Variants in TDRD5 observed in about 807,000 individuals in gnomAD.
TDRD5 encodes the protein tudor domain containing 5.
A neutral mutation model predicts 120.6 loss-of-function variants in TDRD5; 41 were observed. The observed-to-expected ratio is 0.34, with a 90% CI of 0.26 to 0.44. The LOEUF (loss-of-function observed/expected upper bound fraction) is 0.44, where lower values mean the gene tolerates loss of function less well. Among genes scored for constraint, TDRD5 ranks in the 20% least tolerant of loss-of-function variants. TDRD5 has a pLI of 1.00. For synonymous variants in TDRD5, 430 were observed against 433.7 expected (o/e 0.99, Z 0.11); for missense variants, 1,006 against 1,221.2 (o/e 0.82, Z 2.63).
chr1:179,617,715 G>C (rs1676634177), intron 4 of TDRD5, among the ~76,000 whole-genome samples: 1 of 151,930 alleles, frequency 6.6e-6, no homozygotes, highest in South Asian at 2.1e-4. Context: ...TGCTGTGGCT[G>C]TTCACTGGAC....
intron 17 of TDRD5, among the ~76,000 whole-genome samples, chr1:179,690,201 G>A (rs1029255361): frequency 6.6e-6 from 1 of 152,050 alleles, no homozygotes; most frequent in African/African-American, 2.4e-5. Flanking sequence ...AGAACCTCTC[G>A]GCATTTATTT....
In TDRD5 at chr1:179,663,331, C is replaced by T. The variant is rs753846302; in HGVS notation, c.2506-17C>T. 2 of 1,594,328 alleles carry T rather than the reference C, an allele frequency of 1.3e-6. No homozygotes were observed. Among genetic ancestry groups the T allele is most frequent in the Non-Finnish European group, 1.7e-6 (2 of 1,173,066 alleles). On this transcript the variant is annotated splice_polypyrimidine_tract_variant and intron_variant, in intron 15 of 17. Transcript: ENST00000444136. ...TGCACTTTATCTCAGTCTGTTGTTG[C>T]CATTTTTTCATTATAGGACTGGTGT... is the stretch of plus-strand genomic sequence containing the variant.
At chr1:179,635,537 A>G (rs999314798) in intron 8 of TDRD5, 130 bp from the exon 9 acceptor site, 3 of 904,790 alleles carry the variant, frequency 3.3e-6, no homozygotes, top group Non-Finnish European at 4.9e-6. Context: ...GCTAGAGTTC[A>G]AGAATCTGTA....
At position 179,651,003 on chromosome 1, in the gene TDRD5, A is replaced by G. The variant is rs1463697851; in HGVS notation, c.1937A>G (p.Tyr646Cys). The change falls in exon 12 of 18, where the codon TAT becomes TGT. Residue 646 changes from tyrosine to cysteine, a missense_variant. Physicochemically the swap from Tyr to Cys is radical, Grantham distance 194 (BLOSUM62 -2). This residue lies in a region of TDRD5 where 158 missense variants were observed against 257.5 expected (regional missense o/e 0.61). Transcript: ENST00000444136. Reference protein sequence around the residue: ...LCDTSSNEDVYFHHVLRTEGH... With the variant: ...LCDTSSNEDVCFHHVLRTEGH... Reference sequence around the variant, plus strand: ...GACACATCCTCAAACGAAGATGTCTATTTCCATCATGTCTTGAGAACAGAG... The same window carrying G: ...GACACATCCTCAAACGAAGATGTCTGTTTCCATCATGTCTTGAGAACAGAG... 4.3e-6 allele frequency: 7 copies of G among 1,614,132 alleles called. No homozygotes were observed. Among genetic ancestry groups the G allele is most frequent in the Non-Finnish European group, 5.9e-6 (7 of 1,180,004 alleles).
intron 6 of TDRD5, among the ~76,000 whole-genome samples, chr1:179,622,984 C>T (rs11576782): frequency 6.6e-6 from 1 of 152,070 alleles, no homozygotes; most frequent in Non-Finnish European, 1.5e-5. Flanking sequence ...GTAGAAAATT[C>T]TGAAAGCAGC....
intron 16 of TDRD5, 123 bp downstream of exon 16, chr1:179,663,614 C>T: frequency 7.7e-7 from 1 of 1,303,024 alleles, no homozygotes. Context: ...CTTGCTGTAG[C>T]TGTTACTGTT....
chr1:179,630,958 A>G (rs906624404), intron 7 of TDRD5, 38 bp downstream of exon 7: 2 of 1,578,070 alleles, frequency 1.3e-6, no homozygotes, highest in South Asian at 1.2e-5. Flanking sequence ...CCTCATTTTT[A>G]TTGTCCTTAT....
At chr1:179,602,726 A>T (rs896870589) in intron 4 of TDRD5, among the ~76,000 whole-genome samples, 1 of 152,096 alleles carries the variant, frequency 6.6e-6, no homozygotes, top group African/African-American at 2.4e-5. Flanking sequence ...ATTCTGTTCC[A>T]TTGGTCTATG....
rs747427402 is a variant in TDRD5, at chr1:179,634,437, A to C, written c.1127-20A>C. On this transcript the variant is annotated intron_variant, in intron 7 of 17. Transcript: ENST00000444136. ...CCATTTGAGATGGAGTTGTTTCATCAGTCGGAAATTTGTGTTTAGTTCAGT... is the reference window on the plus strand; with the variant it reads ...CCATTTGAGATGGAGTTGTTTCATCCGTCGGAAATTTGTGTTTAGTTCAGT... The C allele has an allele frequency of 1.9e-6, 3 of 1,580,906 alleles. No individual in the cohort carries two copies. Among genetic ancestry groups the C allele is most frequent in the Non-Finnish European group, 1.7e-6 (2 of 1,170,252 alleles).
chr1:179,684,744 C>T (rs1680608954), intron 17 of TDRD5, among the ~76,000 whole-genome samples: 1 of 152,206 alleles, frequency 6.6e-6, no homozygotes, highest in African/African-American at 2.4e-5. Context: ...GCCATTCTAA[C>T]TGGTATGAGA....
chr1:179,662,017 T>C (rs1415280697), intron 14 of TDRD5, 87 bp from the exon 15 acceptor site: 2 of 1,262,620 alleles, frequency 1.6e-6, no homozygotes, highest in African/African-American at 3.1e-5. Flanking sequence ...TTACCTGGAG[T>C]CAGGAAAAAA....
At chr1:179,658,337 A>G (rs1417615639) in intron 14 of TDRD5, among the ~76,000 whole-genome samples, 1 of 152,182 alleles carries the variant, frequency 6.6e-6, no homozygotes. Flanking sequence ...TTTTTCAGGG[A>G]GAGAAGTTAA....
intron 4 of TDRD5, among the ~76,000 whole-genome samples, chr1:179,599,212 T>A (rs569752250): frequency 6.6e-6 from 1 of 152,276 alleles, no homozygotes; most frequent in South Asian, 2.1e-4. Flanking sequence ...TCATATAGTA[T>A]CCTTTTTATA....
At chr1:179,675,741 T>C (rs1680113193) in intron 17 of TDRD5, among the ~76,000 whole-genome samples, 1 of 152,206 alleles carries the variant, frequency 6.6e-6, no homozygotes, top group Admixed American at 6.5e-5. Context: ...TTGATATAAC[T>C]TCAATTTCCT....
chr1:179,674,719 C>T (rs533789062), intron 17 of TDRD5, among the ~76,000 whole-genome samples: 1 of 152,194 alleles, frequency 6.6e-6, no homozygotes, highest in South Asian at 2.1e-4. Flanking sequence ...AATCTCACTG[C>T]TTGTTATTGG....
At chr1:179,632,988 A>C (rs1677545821) in intron 7 of TDRD5, among the ~76,000 whole-genome samples, 1 of 152,214 alleles carries the variant, frequency 6.6e-6, no homozygotes, top group Admixed American at 6.5e-5. Flanking sequence ...AATTTATTGA[A>C]TACTATACTG....
intron 4 of TDRD5, among the ~76,000 whole-genome samples, chr1:179,600,616 T>C (rs552031986): frequency 6.6e-6 from 1 of 152,358 alleles, no homozygotes; most frequent in Admixed American, 6.5e-5. Flanking sequence ...ATTTTTTTTA[T>C]TTTTCCACTT....
chr1:179,686,325 G>T (rs1473437841), intron 17 of TDRD5, among the ~76,000 whole-genome samples: 1 of 152,200 alleles, frequency 6.6e-6, no homozygotes, highest in African/African-American at 2.4e-5. Flanking sequence ...CTTTGGTTCT[G>T]TGTATATGAG....
Position 179,678,152 on chromosome 1 carries a change from C to A in TDRD5, c.2860+8748C>A, listed in dbSNP as rs113900101. ...CCCAGGGGGATTATGGCTGCCTCTGCTGAGTCATACAGGTTGCCAGGGAAG... is the reference window on the plus strand; with the variant it reads ...CCCAGGGGGATTATGGCTGCCTCTGATGAGTCATACAGGTTGCCAGGGAAG... On this transcript the variant is annotated intron_variant, in intron 17 of 17. Transcript: ENST00000444136. Among the ~76,000 whole-genome samples the A allele has an allele frequency of 9.0e-3, 1,369 of 152,224 alleles. 47 individuals carry two copies. Among genetic ancestry groups the A allele is most frequent in the East Asian group, 0.063 (327 of 5,176 alleles).
Sources: allele counts gnomAD v4.1 joint callset (sites outside exome capture counted in the v4.1 genomes callset), GRCh38; gene constraint gnomAD v4.1.1; regional missense constraint gnomAD v4.1.1; transcripts MANE v1.5; gene names NCBI Gene and HGNC (gene_info 2026-07-23, HGNC 2026-07-21).